Variants in SH3RF3 observed in about 807,000 individuals in gnomAD.
SH3RF3 encodes SH3 domain containing ring finger 3.
Under a neutral mutation model 66.3 loss-of-function variants are expected in SH3RF3, and 29 were observed. That is an observed-to-expected ratio of 0.44 (90% CI 0.33 to 0.60). SH3RF3 has a LOEUF of 0.60. Among genes scored for constraint, SH3RF3 ranks in the 20% least tolerant of loss-of-function variants. The probability of loss-of-function intolerance (pLI) is 0.04; values close to 1 mark genes in which losing one functional copy is unlikely to be tolerated. For synonymous variants in SH3RF3, 583 were observed against 532.0 expected (o/e 1.10, Z -1.32); for missense variants, 1,194 against 1,190.9 (o/e 1.00, Z -0.04).
At chr2:109,174,568 G>C (rs544147155) in intron 1 of SH3RF3, among the ~76,000 whole-genome samples, 1 of 152,304 alleles carries the variant, frequency 6.6e-6, no homozygotes, top group South Asian at 2.1e-4. Flanking sequence ...ATGGTGTCTG[G>C]AATTCCCTCC....
At chr2:109,406,610 TCA>T (rs891890157) in intron 4 of SH3RF3, among the ~76,000 whole-genome samples, 2 of 151,714 alleles carry the variant, frequency 1.3e-5, no homozygotes, top group Admixed American at 6.6e-5. Flanking sequence ...TGGAACAGGG[TCA>T]CACACGCCCA....
rs1301679116 is a variant in SH3RF3 at position 109,130,094 on chromosome 2, G to C, written c.554G>C (p.Arg185Thr). ...AGTCTGCGGGAGCTGGCGACCAGCA[G>C]GACCGCGCCGGCGGCAAAGGTGAGT... ...AGSLRELATS[R>T]TAPAAKNPCL... is the part of the protein sequence containing the mutation. Residue 185 changes from arginine to threonine, a missense_variant, in exon 1 of 10, where the codon AGG (arginine) becomes ACG (threonine). Coordinates refer to ENST00000309415, the MANE Select transcript of SH3RF3 (RefSeq NM_001099289.3). 19 of 1,348,994 alleles carry C rather than the reference G, an allele frequency of 1.4e-5. No individual in the cohort carries two copies. The highest frequency in any genetic ancestry group is 1.7e-5 in the Non-Finnish European group (18 of 1,053,604). 83.6% of individuals were successfully genotyped at this position (1,348,994 alleles called of 1,614,324 possible). A position where few individuals can be genotyped will look rare whatever the true frequency, so the allele number is the denominator to read the frequency against.
chr2:109,491,846 T>C (rs1679138350), intron 9 of SH3RF3, among the ~76,000 whole-genome samples: 1 of 152,184 alleles, frequency 6.6e-6, no homozygotes, highest in South Asian at 2.1e-4. Context: ...TTTCCTCCCT[T>C]GGCCGTTCGG....
In SH3RF3 at chr2:109,427,461, T is replaced by C. The variant is rs559906500; in HGVS notation, c.1404-5040T>C. ...CAAACCCACGAGTATCCCACAGGTA[T>C]GCCTGTACCTGGAGGGCTGTTGAAA... On this transcript the variant is annotated intron_variant, in intron 5 of 9. Coordinates refer to ENST00000309415, the MANE Select transcript of SH3RF3 (RefSeq NM_001099289.3). Among the ~76,000 whole-genome samples the C allele has an allele frequency of 1.4e-3, 219 of 152,298 alleles. 1 individual carries two copies. The highest frequency in any genetic ancestry group is 2.0e-3 in the African/African-American group (84 of 41,572).
intron 1 of SH3RF3, among the ~76,000 whole-genome samples, chr2:109,259,372 T>C (rs1680298196): frequency 6.6e-6 from 1 of 152,184 alleles, no homozygotes; most frequent in South Asian, 2.1e-4. Context: ...GGAGGCATCC[T>C]ACATACCTGC....
chr2:109,360,407 C>T (rs1683031033), intron 2 of SH3RF3, among the ~76,000 whole-genome samples: 1 of 152,140 alleles, frequency 6.6e-6, no homozygotes, highest in South Asian at 2.1e-4. Flanking sequence ...GCTCGATGTA[C>T]ACAAACTTTG....
At chr2:109,155,819 A>G (rs1024304039) in intron 1 of SH3RF3, among the ~76,000 whole-genome samples, 2 of 152,240 alleles carry the variant, frequency 1.3e-5, no homozygotes, top group Admixed American at 1.3e-4. Context: ...AAGATGTTCC[A>G]GAACTAGGTG....
chr2:109,432,141 C>T (rs899718342), intron 5 of SH3RF3, among the ~76,000 whole-genome samples: 2 of 152,198 alleles, frequency 1.3e-5, no homozygotes, highest in Non-Finnish European at 2.9e-5. Flanking sequence ...CACTGGAAAT[C>T]CAAAGAGCTG....
At chr2:109,202,360 C>CA (rs1678695747) in intron 1 of SH3RF3, among the ~76,000 whole-genome samples, 2 of 152,164 alleles carry the variant, frequency 1.3e-5, no homozygotes, top group Non-Finnish European at 2.9e-5. Flanking sequence ...TTTGGGCTTT[C>CA]CACTCTCTGT....
chr2:109,398,040 C>T (rs549119377), intron 3 of SH3RF3, among the ~76,000 whole-genome samples: 1 of 152,160 alleles, frequency 6.6e-6, no homozygotes, highest in East Asian at 1.9e-4. Context: ...TGAGTGGAGG[C>T]GGTTACTGAA....
intron 1 of SH3RF3, among the ~76,000 whole-genome samples, chr2:109,312,993 G>A (rs982120399): frequency 1.3e-4 from 20 of 152,134 alleles, no homozygotes; most frequent in African/African-American, 3.9e-4. Context: ...ACAGTAATGC[G>A]GAAGAAGGGG....
intron 1 of SH3RF3, among the ~76,000 whole-genome samples, chr2:109,197,060 A>G (rs1443867492): frequency 1.3e-5 from 2 of 152,092 alleles, no homozygotes; most frequent in African/African-American, 4.8e-5. Flanking sequence ...AGATGAGTAC[A>G]CTGAGGCACA....
intron 2 of SH3RF3, among the ~76,000 whole-genome samples, chr2:109,351,155 T>G (rs1379986557): frequency 1.3e-5 from 2 of 152,180 alleles, no homozygotes; most frequent in African/African-American, 4.8e-5. Flanking sequence ...CATGTGCAAA[T>G]AAAAAGACGA....
intron 1 of SH3RF3, among the ~76,000 whole-genome samples, chr2:109,153,247 A>T (rs1009339635): frequency 2.0e-5 from 3 of 152,228 alleles, no homozygotes; most frequent in Non-Finnish European, 4.4e-5. Flanking sequence ...AATAAAAGAA[A>T]TTACATTAAT....
chr2:109,390,536 A>G (rs1675958538), intron 3 of SH3RF3, among the ~76,000 whole-genome samples: 1 of 152,202 alleles, frequency 6.6e-6, no homozygotes, highest in Non-Finnish European at 1.5e-5. Context: ...ACCCAATATC[A>G]AGAGGTTAAA....
In SH3RF3 at chr2:109,439,503, C is replaced by T. The variant is rs75026194; in HGVS notation, c.1828+2357C>T. On this transcript the variant is annotated intron_variant, in intron 7 of 9. Transcript: ENST00000309415. Reference sequence around the variant, plus strand: ...TTGCCCATTTCAGCAGACCCCAACCCCGATGGGTGGGAGGCATTTCATCAA... The same window carrying T: ...TTGCCCATTTCAGCAGACCCCAACCTCGATGGGTGGGAGGCATTTCATCAA... 3.5e-3 allele frequency among the ~76,000 whole-genome samples: 528 copies of T among 152,300 alleles called. 19 individuals carry two copies. In the East Asian group the frequency reaches 0.061, roughly 18 times the overall value.
intron 1 of SH3RF3, among the ~76,000 whole-genome samples, chr2:109,277,923 C>T (rs549849731): frequency 2.0e-5 from 3 of 150,926 alleles, no homozygotes; most frequent in South Asian, 4.2e-4. Flanking sequence ...GCCTATAATC[C>T]CAACATTTTG....
chr2:109,197,413 G>C lies in SH3RF3; in HGVS notation c.573+67300G>C, dbSNP rs188996822. 5.4e-4 allele frequency among the ~76,000 whole-genome samples: 82 copies of C among 152,266 alleles called. 1 individual carries two copies. Among genetic ancestry groups the C allele is most frequent in the Non-Finnish European group, 5.1e-4 (35 of 68,012 alleles). Reference sequence around the variant, plus strand: ...CTTGCAAGCTGTTTGTCCTCGGGCTGGTGGCTTAATTTCTCTTATCTTGTT... The same window carrying C: ...CTTGCAAGCTGTTTGTCCTCGGGCTCGTGGCTTAATTTCTCTTATCTTGTT... On this transcript the variant is annotated intron_variant, in intron 1 of 9. Coordinates refer to ENST00000309415, the MANE Select transcript of SH3RF3 (RefSeq NM_001099289.3).
rs1294601907 is a variant in SH3RF3 at position 109,207,265 on chromosome 2, G to A, written c.573+77152G>A. ...ATTATTATTTCTGGATAATTTTGGT[G>A]TATGGTAATCATTAGAGTAAGCTGT... On this transcript the variant is annotated intron_variant, in intron 1 of 9. Transcript: ENST00000309415. Among the ~76,000 whole-genome samples, 5 of 152,204 alleles carry A rather than the reference G, an allele frequency of 3.3e-5. No homozygotes were observed. In the East Asian group the frequency reaches 7.7e-4, roughly 23 times the overall value.
Sources: gnomAD v4.1 joint callset for allele counts (sites outside exome capture counted in the v4.1 genomes callset) on GRCh38, gnomAD v4.1.1 for gene constraint, MANE v1.5 for transcripts, NCBI Gene and HGNC (gene_info 2026-07-23, HGNC 2026-07-21) for gene names.